TRIM24: variants seen among roughly 807,000 people sequenced by gnomAD.
TRIM24 encodes tripartite motif containing 24.
TRIM24 carries 29 observed loss-of-function variants against 123.9 expected under a neutral mutation model. That is an observed-to-expected ratio of 0.23 (90% confidence interval 0.17 to 0.32). TRIM24 has a LOEUF of 0.32. Among genes scored for constraint, TRIM24 ranks in the 10% least tolerant of loss-of-function variants. The pLI is 1.00. For missense variants in TRIM24, 932 were observed against 1,295.3 expected (o/e 0.72, Z 4.31); for synonymous variants, 456 against 461.1 (o/e 0.99, Z 0.14).
intron 1 of TRIM24, among the ~76,000 whole-genome samples, chr7:138,479,004 T>C (rs1795467063): frequency 6.6e-6 from 1 of 152,186 alleles, no homozygotes. Context: ...TTAAAAAAGC[T>C]TAATCTTCCC....
At chr7:138,473,507 A>G (rs1795322773) in intron 1 of TRIM24, among the ~76,000 whole-genome samples, 1 of 152,174 alleles carries the variant, frequency 6.6e-6, no homozygotes, top group African/African-American at 2.4e-5. Flanking sequence ...CTCTAAAGCT[A>G]TCTCCTCCTC....
At chr7:138,566,152 C>T (rs928236622) in intron 9 of TRIM24, among the ~76,000 whole-genome samples, 2 of 152,116 alleles carry the variant, frequency 1.3e-5, no homozygotes, top group African/African-American at 4.8e-5. Flanking sequence ...CTGCTTCAGC[C>T]TCATTTGTGA....
Position 138,584,988 on chromosome 7 carries a change from T to A in TRIM24, c.*37T>A, listed in dbSNP as rs1389978089. ...ACTAGCTTGTGCTGGTTTTTAGATTTTTTTGTTTTCAAAAAAACATTTGTC... is the reference window on the plus strand; with the variant it reads ...ACTAGCTTGTGCTGGTTTTTAGATTATTTTGTTTTCAAAAAAACATTTGTC... On this transcript the variant is annotated 3_prime_UTR_variant, in exon 19 of 19. Coordinates refer to ENST00000343526, the MANE Select transcript of TRIM24 (RefSeq NM_015905.3). 11 of 1,544,800 alleles carry A rather than the reference T, an allele frequency of 7.1e-6. No individual in the cohort carries two copies. Among genetic ancestry groups the A allele is most frequent in the Non-Finnish European group, 9.6e-6 (11 of 1,147,188 alleles).
Position 138,585,442 on chromosome 7 carries a change from T to C in TRIM24, c.*491T>C. 3.4e-6 allele frequency: 1 copy of C among 292,942 alleles called. No homozygotes were observed. 18.1% of individuals were successfully genotyped at this position (292,942 alleles called of 1,614,324 possible). A position where few individuals can be genotyped will look rare whatever the true frequency, so the allele number is the denominator to read the frequency against. ...TTAGGTGTACTGTACTGAAGAACAG[T>C]ACTCCACAAACATGGGTGGTAACAA... is the stretch of plus-strand genomic sequence containing the variant. On this transcript the variant is annotated 3_prime_UTR_variant, in exon 19 of 19. Transcript: ENST00000343526.
chr7:138,589,206 G>A lies in TRIM24; in HGVS notation c.*4255G>A, dbSNP rs530535250. 6.6e-6 allele frequency: 1 copy of A among 152,118 alleles called. No individual in the cohort carries two copies. 9.4% of individuals were successfully genotyped at this position (152,118 alleles called of 1,614,324 possible). Reference sequence around the variant, plus strand: ...ATTTACTGTTGTAATTCACATACTGGTGTCATGTTTCTGAGTGAGAATAAT... The same window carrying A: ...ATTTACTGTTGTAATTCACATACTGATGTCATGTTTCTGAGTGAGAATAAT... On this transcript the variant is annotated 3_prime_UTR_variant, in exon 19 of 19. Coordinates refer to ENST00000343526, the MANE Select transcript of TRIM24 (RefSeq NM_015905.3).
At chr7:138,558,176 A>T (rs929708773) in intron 9 of TRIM24, among the ~76,000 whole-genome samples, 11 of 152,022 alleles carry the variant, frequency 7.2e-5, no homozygotes, top group African/African-American at 2.7e-4. Flanking sequence ...TTGGAGTTTC[A>T]AGCTGGTACC....
intron 2 of TRIM24, among the ~76,000 whole-genome samples, chr7:138,513,246 A>G (rs895440419): frequency 1.3e-5 from 2 of 151,944 alleles, no homozygotes; most frequent in Admixed American, 6.6e-5. Flanking sequence ...AATTTTTCTC[A>G]CCTTCCTGCC....
chr7:138,534,443 C>G (rs2116598526), intron 6 of TRIM24, among the ~76,000 whole-genome samples: 1 of 152,300 alleles, frequency 6.6e-6, no homozygotes, highest in Non-Finnish European at 1.5e-5. Context: ...CAAAGAACAT[C>G]TTTATTTCTG....
intron 1 of TRIM24, among the ~76,000 whole-genome samples, chr7:138,494,382 G>A (rs1239641043): frequency 6.6e-6 from 1 of 151,584 alleles, no homozygotes; most frequent in African/African-American, 2.4e-5. Flanking sequence ...GCCTCCCAAA[G>A]TGTTAGGATT....
chr7:138,501,845 G>C (rs1205131165), intron 1 of TRIM24, among the ~76,000 whole-genome samples: 1 of 151,416 alleles, frequency 6.6e-6, no homozygotes, highest in Non-Finnish European at 1.5e-5. Context: ...CTGAGATCAT[G>C]TCACTACACT....
At chr7:138,519,779 G>C (rs964070870) in intron 4 of TRIM24, among the ~76,000 whole-genome samples, 1 of 152,114 alleles carries the variant, frequency 6.6e-6, no homozygotes. Flanking sequence ...AACGGAAGCT[G>C]TTCTAGCCCT....
chr7:138,547,982 C>T (rs147490296), intron 7 of TRIM24, among the ~76,000 whole-genome samples: 175 of 152,074 alleles, frequency 1.2e-3, no homozygotes, highest in African/African-American at 4.0e-3. Flanking sequence ...CGGGATTTGC[C>T]GACAGGTTGA....
In TRIM24 at chr7:138,517,762, TA is replaced by T. The variant is rs553529761; in HGVS notation, c.632-1417del. Among the ~76,000 whole-genome samples, 1,153 of 149,604 alleles carry T rather than the reference TA, an allele frequency of 7.7e-3. 8 individuals are homozygous for T. Among genetic ancestry groups the T allele is most frequent in the African/African-American group, 0.013 (530 of 40,908 alleles). ...TCGTTGGGGACTGATTTGTGCATTA[TA>T]AAAAAAAAATGCAAATGGCTGATTA... On this transcript the variant is annotated intron_variant, in intron 3 of 18. Coordinates refer to ENST00000343526, the MANE Select transcript of TRIM24 (RefSeq NM_015905.3).
chr7:138,467,885 C>T (rs758831445), intron 1 of TRIM24, among the ~76,000 whole-genome samples: 6 of 151,586 alleles, frequency 4.0e-5, no homozygotes, highest in South Asian at 4.2e-4. Context: ...TTGCTAAATT[C>T]GATTATTAAG....
intron 14 of TRIM24, among the ~76,000 whole-genome samples, chr7:138,577,806 A>AG (rs1271648696): frequency 6.6e-6 from 1 of 152,204 alleles, no homozygotes; most frequent in Non-Finnish European, 1.5e-5. Context: ...GGCAGTTAAA[A>AG]GGAGATATTC....
chr7:138,475,004 A>G (rs1176072791), intron 1 of TRIM24, among the ~76,000 whole-genome samples: 2 of 152,368 alleles, frequency 1.3e-5, no homozygotes, highest in Admixed American at 6.5e-5. Flanking sequence ...CAGTTATTCA[A>G]GAGTATAAGG....
chr7:138,508,110 C>T (rs1796189254), intron 2 of TRIM24, among the ~76,000 whole-genome samples: 1 of 152,126 alleles, frequency 6.6e-6, no homozygotes, highest in Non-Finnish European at 1.5e-5. Context: ...TAATTAATCT[C>T]AAGTTACCCC....
chr7:138,552,398 G>A (rs529466037), intron 8 of TRIM24, among the ~76,000 whole-genome samples: 123 of 152,268 alleles, frequency 8.1e-4, no homozygotes, highest in Middle Eastern at 3.4e-3. Context: ...TCAGCAGAAA[G>A]TTACTACTTT....
intron 1 of TRIM24, among the ~76,000 whole-genome samples, chr7:138,493,249 A>T (rs933680665): frequency 6.6e-6 from 1 of 152,212 alleles, no homozygotes; most frequent in South Asian, 2.1e-4. Flanking sequence ...TCCCAGGGAT[A>T]GTTTTCTGTG....
Sources: allele counts gnomAD v4.1 joint callset (sites outside exome capture counted in the v4.1 genomes callset), GRCh38; gene constraint gnomAD v4.1.1; transcripts MANE v1.5; gene names NCBI Gene and HGNC (gene_info 2026-07-23, HGNC 2026-07-21).